RBPJ: variants seen among roughly 807,000 people sequenced by gnomAD.
The protein encoded by RBPJ is recombining binding protein suppressor of hairless.
Under a neutral mutation model 67.8 loss-of-function variants are expected in RBPJ, and 9 were observed. That is an observed-to-expected ratio of 0.13 (90% CI 0.08 to 0.23). The LOEUF is 0.23. Among genes scored for constraint, RBPJ ranks in the 10% least tolerant of loss-of-function variants. The pLI, the probability that RBPJ is intolerant of heterozygous loss-of-function variation, is 1.00. For missense variants in RBPJ, 305 were observed against 595.6 expected (o/e 0.51, Z 5.08); for synonymous variants, 198 against 203.3 (o/e 0.97, Z 0.22).
intron 1 of RBPJ, among the ~76,000 whole-genome samples, chr4:26,215,348 A>AAAG (rs151116498): frequency 0.27 from 6,215 of 22,960 alleles, 592 homozygotes; most frequent in East Asian, 0.58. Context: ...AGAAAGAAAG[A>AAAG]AAAAAAGAAG....
chr4:26,188,625 C>A (rs1717363984), intron 1 of RBPJ, among the ~76,000 whole-genome samples: 1 of 152,132 alleles, frequency 6.6e-6, no homozygotes, highest in Non-Finnish European at 1.5e-5. Flanking sequence ...TTGTCAAAAT[C>A]TTGGAGCTGC....
intron 1 of RBPJ, among the ~76,000 whole-genome samples, chr4:26,247,709 C>T (rs1220834602): frequency 1.3e-5 from 2 of 152,164 alleles, no homozygotes; most frequent in African/African-American, 4.8e-5. Context: ...CGTACCCAGC[C>T]TTCATAATAC....
At chr4:26,133,682 G>T in the RBPJ span, among the ~76,000 whole-genome samples, 1 of 152,138 alleles carries the variant, frequency 6.6e-6, no homozygotes, top group African/African-American at 2.4e-5. Flanking sequence ...AAGTCTTTGT[G>T]AGAATCTAAC....
intron 1 of RBPJ, among the ~76,000 whole-genome samples, chr4:26,239,380 C>G (rs1277338097): frequency 2.6e-5 from 4 of 152,174 alleles, no homozygotes; most frequent in South Asian, 4.1e-4. Context: ...TGAAGAGAAA[C>G]AGTGACATAA....
chr4:26,167,512 CTGTT>C (rs1232813337), intron 1 of RBPJ, among the ~76,000 whole-genome samples: 2 of 145,718 alleles, frequency 1.4e-5, no homozygotes, highest in African/African-American at 5.2e-5. Context: ...ATTTGGCTCT[CTGTT>C]TGTCTGTTAT....
At chr4:26,287,883 G>C (rs901647149) in intron 1 of RBPJ, among the ~76,000 whole-genome samples, 2 of 151,972 alleles carry the variant, frequency 1.3e-5, no homozygotes, top group African/African-American at 4.8e-5. Context: ...GCCTAATTTT[G>C]TCATTTATTT....
chr4:26,287,363 G>A (rs1157685018), intron 1 of RBPJ, among the ~76,000 whole-genome samples: 1 of 151,662 alleles, frequency 6.6e-6, no homozygotes, highest in Admixed American at 6.6e-5. Context: ...AGCATAGCGA[G>A]ACCCCATCTC....
upstream of RBPJ, among the ~76,000 whole-genome samples, chr4:26,159,513 C>T (rs1474483444): frequency 1.3e-5 from 2 of 152,176 alleles, no homozygotes; most frequent in African/African-American, 4.8e-5. Flanking sequence ...TGTGTTAGGA[C>T]TATCTCTGTG....
intron 1 of RBPJ, among the ~76,000 whole-genome samples, chr4:26,357,322 C>T (rs1294420239): frequency 2.6e-5 from 4 of 152,062 alleles, no homozygotes; most frequent in Non-Finnish European, 5.9e-5. Context: ...AAAAGAAAGG[C>T]ATCAAACTCA....
the RBPJ span, among the ~76,000 whole-genome samples, chr4:26,125,028 A>G: frequency 6.6e-6 from 1 of 152,262 alleles, no homozygotes; most frequent in East Asian, 1.9e-4. Flanking sequence ...ATGACTGACT[A>G]CCATGTCCAC....
chr4:26,244,162 T>TAC (rs1560225806), intron 1 of RBPJ, among the ~76,000 whole-genome samples: 1 of 137,886 alleles, frequency 7.3e-6, no homozygotes, highest in African/African-American at 2.6e-5. Context: ...TATATGTATA[T>TAC]ATATATGTAT....
intron 1 of RBPJ, among the ~76,000 whole-genome samples, chr4:26,310,402 C>T (rs1195819563): frequency 6.6e-6 from 1 of 152,064 alleles, no homozygotes; most frequent in South Asian, 2.1e-4. Context: ...GTAGAGTGAG[C>T]GGCTCCTAGT....
At chr4:26,308,485 G>A (rs1025403005) in intron 1 of RBPJ, among the ~76,000 whole-genome samples, 2 of 152,088 alleles carry the variant, frequency 1.3e-5, no homozygotes, top group Non-Finnish European at 2.9e-5. Context: ...TTGAGATAAT[G>A]ACAATAACAT....
chr4:26,222,797 A>G (rs930449581), intron 1 of RBPJ, among the ~76,000 whole-genome samples: 11 of 152,170 alleles, frequency 7.2e-5, no homozygotes, highest in African/African-American at 2.4e-4. Context: ...GAGCATTTGT[A>G]AGCGGTTTTA....
At chr4:26,406,365 C>A in intron 3 of RBPJ, 95 bp downstream of exon 3, 1 of 781,580 alleles carries the variant, frequency 1.3e-6, no homozygotes, top group Non-Finnish European at 2.2e-6. Context: ...GCTTCTATTA[C>A]TGGGTTCATT....
At chr4:26,306,574 C>T (rs1722247352) in intron 1 of RBPJ, among the ~76,000 whole-genome samples, 3 of 151,948 alleles carry the variant, frequency 2.0e-5, no homozygotes, top group South Asian at 2.1e-4. Context: ...CTCAGCCTCC[C>T]GAGTAGCTGG....
chr4:26,362,311 A>C, intron 1 of RBPJ: 1 of 357,018 alleles, frequency 2.8e-6, no homozygotes, highest in East Asian at 4.5e-5. Context: ...ATGAGGGTTC[A>C]CATTAAAAAT....
At chr4:26,364,696 G>A (rs924520637) in intron 1 of RBPJ, among the ~76,000 whole-genome samples, 10 of 143,580 alleles carry the variant, frequency 7.0e-5, no homozygotes, top group African/African-American at 2.3e-4. Flanking sequence ...GTGTGATCTC[G>A]GCTCACTGCA....
intron 1 of RBPJ, among the ~76,000 whole-genome samples, chr4:26,199,717 G>C (rs935752117): frequency 1.3e-5 from 2 of 152,136 alleles, no homozygotes; most frequent in African/African-American, 4.8e-5. Context: ...CAAAAACCTG[G>C]CAAGTGGTTT....
Sources: allele counts gnomAD v4.1 joint callset (sites outside exome capture counted in the v4.1 genomes callset), GRCh38; gene constraint gnomAD v4.1.1; transcripts MANE v1.5; gene names NCBI Gene and HGNC (gene_info 2026-07-23, HGNC 2026-07-21).